Variants in TRIO observed in about 807,000 individuals in gnomAD.
The protein encoded by TRIO is triple functional domain protein.
TRIO carries 58 observed loss-of-function variants against 351.9 expected under a neutral mutation model. The ratio of observed to expected loss-of-function variants is 0.16; its 90% CI spans 0.13 to 0.21. The LOEUF (loss-of-function observed/expected upper bound fraction) is 0.21, where lower values mean the gene tolerates loss of function less well. Ranked by LOEUF, TRIO falls within the 10% of genes least tolerant of loss-of-function variation. The pLI, the probability that TRIO is intolerant of heterozygous loss-of-function variation, is 1.00. For synonymous variants in TRIO, 1,758 were observed against 1,595.7 expected, an observed-to-expected ratio of 1.10 and a Z score of -2.42; for missense variants, 3,201 against 4,027.8, an observed-to-expected ratio of 0.79 and a Z score of 5.56.
At chr5:14,360,372 C>T (rs1170985207) in intron 13 of TRIO, among the ~76,000 whole-genome samples, 1 of 152,174 alleles carries the variant, frequency 6.6e-6, no homozygotes, top group Non-Finnish European at 1.5e-5. Context: ...TACCTGGGAA[C>T]GTGACGTAAG....
chr5:14,159,263 A>C (rs1391982710), intron 1 of TRIO, among the ~76,000 whole-genome samples: 2 of 151,424 alleles, frequency 1.3e-5, no homozygotes, highest in African/African-American at 4.9e-5. Flanking sequence ...TTGTGATTTG[A>C]TGGCATATTT....
chr5:14,469,715 G>A (rs77458093), intron 37 of TRIO, among the ~76,000 whole-genome samples: 6,156 of 152,298 alleles, frequency 0.04, 412 homozygotes, highest in African/African-American at 0.14. Flanking sequence ...GCACCCTCTC[G>A]GCAGCCCATC....
At chr5:14,498,667 C>T (rs367863267) in intron 53 of TRIO, 27 bp downstream of exon 53, 21 of 1,605,092 alleles carry the variant, frequency 1.3e-5, no homozygotes, top group South Asian at 5.5e-5. Context: ...GAGGATTCTA[C>T]GTGACCCAGT....
chr5:14,347,771 A>G (rs1742561335), intron 11 of TRIO, among the ~76,000 whole-genome samples: 1 of 152,230 alleles, frequency 6.6e-6, no homozygotes, highest in Non-Finnish European at 1.5e-5. Flanking sequence ...GTTCTCATGC[A>G]GAAAGCCTGT....
intron 34 of TRIO, among the ~76,000 whole-genome samples, chr5:14,420,971 C>T (rs10078445): frequency 0.23 from 34,835 of 152,106 alleles, 8,908 homozygotes; most frequent in African/African-American, 0.64. Flanking sequence ...CACTTGGCTT[C>T]GTCCGGAAAA....
chr5:14,406,360 T>C, intron 32 of TRIO: 1 of 580,756 alleles, frequency 1.7e-6, no homozygotes, highest in Middle Eastern at 4.3e-4. Context: ...TTTATGGTGA[T>C]GGGAATCCAA....
intron 34 of TRIO, among the ~76,000 whole-genome samples, chr5:14,430,044 G>A (rs567950034): frequency 1.3e-5 from 2 of 152,042 alleles, no homozygotes; most frequent in East Asian, 3.9e-4. Context: ...ACAGCGCTGC[G>A]GGAGATACCC....
intron 39 of TRIO, 66 bp from the exon 40 acceptor site, chr5:14,473,928 C>G: frequency 6.6e-7 from 1 of 1,503,982 alleles, no homozygotes; most frequent in Non-Finnish European, 9.1e-7. Context: ...GACTATTAAT[C>G]AATAAGCCAC....
intron 38 of TRIO, among the ~76,000 whole-genome samples, chr5:14,471,947 G>A (rs1158607662): frequency 3.9e-5 from 6 of 152,148 alleles, no homozygotes; most frequent in East Asian, 1.9e-4. Context: ...CTACGAAACG[G>A]CAGAGACTGG....
At chr5:14,342,371 TTAAAC>T (rs1304554648) in intron 11 of TRIO, among the ~76,000 whole-genome samples, 3 of 152,214 alleles carry the variant, frequency 2.0e-5, no homozygotes, top group African/African-American at 7.2e-5. Flanking sequence ...CATCTGGTGT[TTAAAC>T]TAAACAGGAA....
At chr5:14,266,004 A>G (rs934594411) in intron 1 of TRIO, among the ~76,000 whole-genome samples, 4 of 152,066 alleles carry the variant, frequency 2.6e-5, no homozygotes, top group Admixed American at 2.6e-4. Flanking sequence ...AAATATATTT[A>G]TTTGTTGGTT....
intron 36 of TRIO, among the ~76,000 whole-genome samples, chr5:14,463,543 C>T (rs1360968954): frequency 6.6e-6 from 1 of 152,170 alleles, no homozygotes; most frequent in East Asian, 1.9e-4. Context: ...ATTATTTTGT[C>T]AGCCCAATTG....
intron 15 of TRIO, among the ~76,000 whole-genome samples, chr5:14,365,912 A>G (rs899960154): frequency 6.6e-6 from 1 of 152,188 alleles, no homozygotes; most frequent in Admixed American, 6.5e-5. Flanking sequence ...AGAAAGAGGC[A>G]GCCCCTCTAT....
At chr5:14,144,473 A>T (rs530464639) in intron 1 of TRIO, among the ~76,000 whole-genome samples, 260 of 152,030 alleles carry the variant, frequency 1.7e-3, no homozygotes, top group African/African-American at 6.0e-3. Context: ...CACGGCACTC[A>T]CTGCCCAGGG....
At position 14,270,874 on chromosome 5, in the gene TRIO, G is replaced by A. The variant is rs1795938091; in HGVS notation, c.207G>A (p.Leu69=). ...AAGCTATGGATGTTTTACCAATTTTGAAGGAAAAAGTTGCATACCTTTCAG... is the reference window on the plus strand; with the variant it reads ...AAGCTATGGATGTTTTACCAATTTTAAAGGAAAAAGTTGCATACCTTTCAG... ...EMKAMDVLPI[L]KEKVAYLSGG... The change falls in exon 2 of 57, where the codon TTG becomes TTA. Residue 69 remains leucine, a synonymous_variant. Transcript: ENST00000344204. The A allele has an allele frequency of 6.2e-7, 1 of 1,613,890 alleles. No homozygotes were observed. The highest frequency in any genetic ancestry group is 8.5e-7 in the Non-Finnish European group (1 of 1,179,906).
At chr5:14,443,970 C>G (rs1752252917) in intron 34 of TRIO, among the ~76,000 whole-genome samples, 1 of 152,180 alleles carries the variant, frequency 6.6e-6, no homozygotes, top group Non-Finnish European at 1.5e-5. Context: ...TATACGTATT[C>G]CCCTGACTCA....
rs1741445718 is a variant in TRIO at position 14,336,665 on chromosome 5, C to T, written c.1984C>T (p.Arg662Cys). ...LEDRIQDFVR[R>C]VEQRKILLDM... Reference sequence around the variant, plus strand: ...AGACCGGATTCAAGATTTCGTTCGGCGTGTTGAGCAGCGAAAGATCCTACT... The same window carrying T: ...AGACCGGATTCAAGATTTCGTTCGGTGTGTTGAGCAGCGAAAGATCCTACT... The change falls in exon 11 of 57, where the codon CGT (arginine) becomes TGT (cysteine). Residue 662 changes from arginine (R) to cysteine (C), a missense_variant. Arg to Cys is a radical substitution (Grantham distance 180). Around this residue, in one of 19 missense-constraint regions of TRIO, gnomAD observed 363 missense variants for 553.5 expected, o/e 0.66. Coordinates refer to ENST00000344204, the MANE Select transcript of TRIO (RefSeq NM_007118.4). 1.2e-6 allele frequency: 2 copies of T among 1,614,170 alleles called. No individual in the cohort carries two copies.
chr5:14,503,848 C>T (rs1286215183), intron 54 of TRIO, among the ~76,000 whole-genome samples: 2 of 152,258 alleles, frequency 1.3e-5, no homozygotes, highest in Non-Finnish European at 2.9e-5. Context: ...CCCAGGCCCC[C>T]ACCTGAGGTC....
intron 1 of TRIO, among the ~76,000 whole-genome samples, chr5:14,262,360 A>G (rs973607067): frequency 4.4e-4 from 66 of 151,138 alleles, no homozygotes; most frequent in Non-Finnish European, 8.4e-4. Context: ...TACAGTGGTG[A>G]GGGGGAGGTG....
Sources: allele counts gnomAD v4.1 joint callset (sites outside exome capture counted in the v4.1 genomes callset), GRCh38; gene constraint gnomAD v4.1.1; regional missense constraint gnomAD v4.1.1; transcripts MANE v1.5; gene names NCBI Gene and HGNC (gene_info 2026-07-23, HGNC 2026-07-21).